ADAMTSL3: variants seen among roughly 807,000 people sequenced by gnomAD.
ADAMTSL3 encodes the protein ADAMTS-like protein 3.
ADAMTSL3 carries 128 observed loss-of-function variants against 201.7 expected under a neutral mutation model. That is an observed-to-expected ratio of 0.63 (90% CI 0.55 to 0.73). The LOEUF (loss-of-function observed/expected upper bound fraction) is 0.73, where lower values mean the gene tolerates loss of function less well. ADAMTSL3 is among the 30% of genes least tolerant of loss of function. ADAMTSL3 has a pLI of 0.00. For synonymous variants in ADAMTSL3, 738 were observed against 748.4 expected (o/e 0.99, Z 0.23); for missense variants, 1,990 against 2,119.6 (o/e 0.94, Z 1.20).
intron 3 of ADAMTSL3, among the ~76,000 whole-genome samples, chr15:83,742,208 G>A (rs2062468207): frequency 6.6e-6 from 1 of 151,982 alleles, no homozygotes; most frequent in African/African-American, 2.4e-5. Flanking sequence ...CTTGTAAATT[G>A]AAATAAACCT....
chr15:83,777,020 G>A (rs532727566), intron 4 of ADAMTSL3, among the ~76,000 whole-genome samples: 1 of 152,296 alleles, frequency 6.6e-6, no homozygotes, highest in South Asian at 2.1e-4. Flanking sequence ...TCCCACCCTG[G>A]GCTAACACTG....
chr15:83,943,582 C>T (rs2066603792), intron 19 of ADAMTSL3, among the ~76,000 whole-genome samples: 1 of 152,232 alleles, frequency 6.6e-6, no homozygotes, highest in Admixed American at 6.5e-5. Context: ...TCAGTGCTGG[C>T]AGGGCTTGAC....
chr15:83,907,466 T>C (rs2065861701), intron 15 of ADAMTSL3, among the ~76,000 whole-genome samples: 1 of 152,196 alleles, frequency 6.6e-6, no homozygotes, highest in African/African-American at 2.4e-5. Flanking sequence ...TGCAGTGATG[T>C]GATCTCAGCT....
chr15:83,803,027 T>C (rs1489978946), intron 4 of ADAMTSL3, among the ~76,000 whole-genome samples: 1 of 152,186 alleles, frequency 6.6e-6, no homozygotes, highest in Non-Finnish European at 1.5e-5. Flanking sequence ...AAAATAATGC[T>C]TGTATAATGG....
Position 83,874,808 on chromosome 15 carries a change from A to G in ADAMTSL3, c.960+3849A>G, listed in dbSNP as rs537427208. ...TAGGGCCCATCTGAGGATATCATGC[A>G]TGGATTTGAGTAAGTTGCTGTGTAT... On this transcript the variant is annotated intron_variant, in intron 9 of 29. Coordinates refer to ENST00000286744, the MANE Select transcript of ADAMTSL3 (RefSeq NM_207517.3). Among the ~76,000 whole-genome samples, 7 of 145,078 alleles carry G rather than the reference A, an allele frequency of 4.8e-5. No homozygotes were observed. The Middle Eastern group carries it at 0.018, about 367-fold the overall frequency.
intron 3 of ADAMTSL3, among the ~76,000 whole-genome samples, chr15:83,713,662 A>G (rs1171916229): frequency 1.3e-5 from 2 of 152,252 alleles, no homozygotes; most frequent in African/African-American, 4.8e-5. Context: ...AAGAAGGGCC[A>G]TGCCAGGCAA....
At chr15:83,770,789 G>A (rs2014605) in intron 3 of ADAMTSL3, among the ~76,000 whole-genome samples, 10,216 of 152,162 alleles carry the variant, frequency 0.067, 399 homozygotes, top group East Asian at 0.18. Context: ...CACAAAACAC[G>A]CCGGGCATGG....
chr15:83,705,375 G>A (rs1433039531), intron 3 of ADAMTSL3, among the ~76,000 whole-genome samples: 1 of 152,144 alleles, frequency 6.6e-6, no homozygotes, highest in African/African-American at 2.4e-5. Context: ...AGTGACTGAG[G>A]CCAGCTGTGC....
intron 15 of ADAMTSL3, among the ~76,000 whole-genome samples, chr15:83,906,620 CACCACACACACA>C (rs2065839456): frequency 8.0e-5 from 2 of 25,062 alleles, no homozygotes; most frequent in African/African-American, 6.3e-4. Flanking sequence ...TAGTGCCACA[CACCACACACACA>C]CACACACACA....
chr15:83,896,729 C>T (rs1486879386), intron 13 of ADAMTSL3, among the ~76,000 whole-genome samples: 1 of 152,068 alleles, frequency 6.6e-6, no homozygotes, highest in African/African-American at 2.4e-5. Context: ...CATATATACA[C>T]TCCCCAACAT....
intron 5 of ADAMTSL3, 140 bp downstream of exon 5, chr15:83,804,835 A>AT: frequency 3.6e-6 from 2 of 550,364 alleles, no homozygotes; most frequent in Non-Finnish European, 6.1e-6. Context: ...TTGACAACAG[A>AT]TTTTGTATAT....
chr15:83,728,489 T>C (rs1310140426), intron 3 of ADAMTSL3, among the ~76,000 whole-genome samples: 13 of 151,970 alleles, frequency 8.6e-5, no homozygotes, highest in Admixed American at 8.5e-4. Context: ...TTTCTTGTTT[T>C]TAATTTTTAT....
At chr15:83,967,115 G>T (rs374583808) in intron 19 of ADAMTSL3, among the ~76,000 whole-genome samples, 1 of 152,142 alleles carries the variant, frequency 6.6e-6, no homozygotes, top group Non-Finnish European at 1.5e-5. Flanking sequence ...TTGAAAACTG[G>T]CACAGGACAA....
intron 19 of ADAMTSL3, among the ~76,000 whole-genome samples, chr15:83,964,648 A>G (rs908384833): frequency 2.6e-5 from 4 of 152,192 alleles, no homozygotes; most frequent in Non-Finnish European, 4.4e-5. Context: ...AAAGGCCAAC[A>G]TTCAAATTCA....
chr15:84,029,671 G>A (rs374398991), intron 27 of ADAMTSL3, among the ~76,000 whole-genome samples: 4 of 152,168 alleles, frequency 2.6e-5, no homozygotes, highest in Admixed American at 6.5e-5. Context: ...AATTCAAGCT[G>A]GCTGCAGAAA....
intron 3 of ADAMTSL3, among the ~76,000 whole-genome samples, chr15:83,752,729 A>G (rs2062657098): frequency 6.6e-6 from 1 of 152,246 alleles, no homozygotes; most frequent in Admixed American, 6.5e-5. Context: ...TTAAGAAAAC[A>G]GATAACAATA....
intron 15 of ADAMTSL3, among the ~76,000 whole-genome samples, chr15:83,900,416 G>C (rs1004729342): frequency 5.3e-5 from 8 of 152,196 alleles, no homozygotes; most frequent in African/African-American, 1.7e-4. Context: ...GTTATATAGG[G>C]ACAAAAAGAG....
intron 8 of ADAMTSL3, among the ~76,000 whole-genome samples, chr15:83,869,179 C>T (rs998055235): frequency 2.0e-5 from 3 of 152,124 alleles, no homozygotes; most frequent in Non-Finnish European, 2.9e-5. Flanking sequence ...CTGAACTTTG[C>T]ATCTTAATAT....
intron 7 of ADAMTSL3, among the ~76,000 whole-genome samples, chr15:83,845,802 G>A (rs1343769196): frequency 1.3e-5 from 2 of 152,168 alleles, no homozygotes; most frequent in Non-Finnish European, 2.9e-5. Flanking sequence ...GAGTTGGTGT[G>A]AGGTTTCCTC....
Sources: allele counts gnomAD v4.1 joint callset (sites outside exome capture counted in the v4.1 genomes callset), GRCh38; gene constraint gnomAD v4.1.1; transcripts MANE v1.5; gene names NCBI Gene and HGNC (gene_info 2026-07-23, HGNC 2026-07-21).